The following ATP8B4 variants were observed in gnomAD, a reference collection of about 807,000 sequenced individuals.
The protein encoded by ATP8B4 is ATPase phospholipid transporting 8B4 (putative).
A neutral mutation model predicts 145.6 loss-of-function variants in ATP8B4; 133 were observed. The ratio of observed to expected loss-of-function variants is 0.91; its 90% CI spans 0.79 to 1.05. The LOEUF (loss-of-function observed/expected upper bound fraction) is 1.05, where lower values mean the gene tolerates loss of function less well. Among genes scored for constraint, ATP8B4 ranks in the 50% least tolerant of loss-of-function variants. The probability of loss-of-function intolerance (pLI) is 0.00; values close to 1 mark genes in which losing one functional copy is unlikely to be tolerated. For synonymous variants in ATP8B4, 507 were observed against 492.9 expected (o/e 1.03, Z -0.38); for missense variants, 1,458 against 1,425.2 (o/e 1.02, Z -0.37).
rs1185693318 is a variant in ATP8B4 at position 49,859,960 on chromosome 15, A to G, written c.*234T>C. 6.3e-6 allele frequency: 3 copies of G among 477,078 alleles called. No homozygotes were observed. The highest frequency in any genetic ancestry group is 1.1e-5 in the Non-Finnish European group (3 of 276,618). 29.6% of individuals were successfully genotyped at this position (477,078 alleles called of 1,614,324 possible). A position where few individuals can be genotyped will look rare whatever the true frequency, so the allele number is the denominator to read the frequency against. The stretch of plus-strand genomic sequence containing the variant: ...AAAAAAAAAAAAAATCTGTACTTGT[A>G]ACAGCGAGTGTTTTGTCCACCAAAT... On this transcript the variant is annotated 3_prime_UTR_variant, in exon 28 of 28. Transcript: ENST00000284509.
intron 1 of ATP8B4, among the ~76,000 whole-genome samples, chr15:50,133,690 G>A (rs1373699295): frequency 1.3e-5 from 2 of 152,132 alleles, no homozygotes; most frequent in Non-Finnish European, 2.9e-5. Flanking sequence ...TTAGAGAAAT[G>A]GGGAGATGTT....
In ATP8B4 at chr15:50,003,507, C is replaced by A. The variant is rs1046082308; in HGVS notation, c.436-1284G>T. On this transcript the variant is annotated intron_variant, in intron 7 of 27. Transcript: ENST00000284509. ...AAGCCACATAAAGAAAGTGATGCCG[C>A]TCTTGGGCCAAAAACTACCCATCCT... is the stretch of plus-strand genomic sequence containing the variant. Among the ~76,000 whole-genome samples the A allele has an allele frequency of 7.2e-5, 11 of 152,108 alleles. No individual in the cohort carries two copies. In the East Asian group the frequency reaches 1.7e-3, roughly 24 times the overall value.
At chr15:50,156,774 G>C (rs2044426988) in intron 1 of ATP8B4, among the ~76,000 whole-genome samples, 1 of 152,188 alleles carries the variant, frequency 6.6e-6, no homozygotes. Flanking sequence ...ACCTTGGCAT[G>C]ACTTAATGTT....
At chr15:50,036,041 T>A (rs868727620) in intron 6 of ATP8B4, among the ~76,000 whole-genome samples, 1 of 152,146 alleles carries the variant, frequency 6.6e-6, no homozygotes, top group Non-Finnish European at 1.5e-5. Context: ...ATGCCAAGGA[T>A]AGGGCCAAAA....
At chr15:50,177,094 C>T (rs774391685) in intron 1 of ATP8B4, among the ~76,000 whole-genome samples, 1 of 152,178 alleles carries the variant, frequency 6.6e-6, no homozygotes, top group Non-Finnish European at 1.5e-5. Context: ...ATGGCAACAA[C>T]AGTCAGAGAT....
At chr15:49,863,861 A>C (rs1235240411) in intron 26 of ATP8B4, among the ~76,000 whole-genome samples, 1 of 152,154 alleles carries the variant, frequency 6.6e-6, no homozygotes, top group Non-Finnish European at 1.5e-5. Flanking sequence ...ACTTTTAAAA[A>C]ATTTCACTGG....
rs531919598 is a variant in ATP8B4, at chr15:49,944,717, A to G, written c.1288-10535T>C. On this transcript the variant is annotated intron_variant, in intron 14 of 27. Coordinates refer to ENST00000284509, the MANE Select transcript of ATP8B4 (RefSeq NM_024837.4). ...ACAACCCTATAGACCAAATGGACCC[A>G]ACATATATACAACAAAACATTCTGC... Among the ~76,000 whole-genome samples the G allele has an allele frequency of 5.3e-5, 8 of 152,308 alleles. No homozygotes were observed. In the South Asian group the frequency reaches 1.7e-3, roughly 32 times the overall value.
At position 49,920,367 on chromosome 15, in the gene ATP8B4, C is replaced by T. The variant is rs199648946; in HGVS notation, c.1802G>A (p.Arg601Lys). Residue 601 changes from arginine to lysine, a missense_variant, in exon 18 of 28, where the codon AGA becomes AAA. By Grantham distance (26) the Arg-to-Lys change is conservative. Transcript: ENST00000284509. ...TTTAAAGTACTTGTCATCCAGGTCT[C>T]TGTATGCGATGGCCAAGGTCCGAAG... ...EGLRTLAIAY[R>K]DLDDKYFKEW... The T allele has an allele frequency of 1.9e-6, 3 of 1,614,212 alleles. No individual in the cohort carries two copies. The highest frequency in any genetic ancestry group is 1.3e-5 in the African/African-American group (1 of 75,064).
intron 14 of ATP8B4, among the ~76,000 whole-genome samples, chr15:49,937,372 T>C (rs958025087): frequency 1.3e-5 from 2 of 152,184 alleles, no homozygotes; most frequent in African/African-American, 4.8e-5. Flanking sequence ...CCAGAAAATA[T>C]GTGCTATGTT....
At chr15:49,931,392 A>T in intron 15 of ATP8B4, 85 bp from the exon 16 acceptor site, 1 of 1,284,328 alleles carries the variant, frequency 7.8e-7, no homozygotes, top group Non-Finnish European at 1.1e-6. Flanking sequence ...CTCAGTATTT[A>T]ACACCCAACT....
At chr15:49,970,269 C>T (rs934946852) in intron 13 of ATP8B4, among the ~76,000 whole-genome samples, 2 of 152,120 alleles carry the variant, frequency 1.3e-5, no homozygotes, top group Admixed American at 6.5e-5. Context: ...AAGTTCTGAC[C>T]AGGGCAATCA....
chr15:50,024,886 C>T (rs1460737783), intron 6 of ATP8B4, among the ~76,000 whole-genome samples: 1 of 152,142 alleles, frequency 6.6e-6, no homozygotes, highest in Non-Finnish European at 1.5e-5. Flanking sequence ...TAACACAGAA[C>T]ACTAGGGTAA....
chr15:50,098,960 C>G (rs905787202), intron 2 of ATP8B4, among the ~76,000 whole-genome samples: 1 of 152,116 alleles, frequency 6.6e-6, no homozygotes, highest in East Asian at 1.9e-4. Flanking sequence ...ACATATTCAT[C>G]AAACATAATT....
chr15:49,929,161 A>C (rs2413980), intron 16 of ATP8B4, among the ~76,000 whole-genome samples: 19,757 of 152,084 alleles, frequency 0.13, 1,693 homozygotes, highest in East Asian at 0.35. Context: ...GTGAGCTATA[A>C]TAGGCCTTAA....
At chr15:49,883,396 G>A (rs1365131435) in intron 23 of ATP8B4, 1 of 152,128 alleles carries the variant, frequency 6.6e-6, no homozygotes, top group Non-Finnish European at 1.5e-5. Context: ...TTCACAGCTG[G>A]AGCAAGAGAA....
intron 1 of ATP8B4, among the ~76,000 whole-genome samples, chr15:50,158,909 T>C (rs909308819): frequency 6.6e-6 from 1 of 152,194 alleles, no homozygotes; most frequent in African/African-American, 2.4e-5. Context: ...GAAGGCAGCA[T>C]GCTCCTTAAG....
At chr15:50,060,787 T>C (rs1002796568) in intron 3 of ATP8B4, among the ~76,000 whole-genome samples, 8 of 152,138 alleles carry the variant, frequency 5.3e-5, no homozygotes, top group African/African-American at 1.9e-4. Context: ...TGGAGTTTTG[T>C]GGTGGGGCCC....
intron 7 of ATP8B4, chr15:50,009,357 G>A (rs1423351208): frequency 1.3e-5 from 2 of 154,758 alleles, no homozygotes; most frequent in East Asian, 1.9e-4. Flanking sequence ...ATGGAACATG[G>A]CACCAAGTGT....
intron 14 of ATP8B4, among the ~76,000 whole-genome samples, chr15:49,952,206 G>A (rs1198177734): frequency 6.6e-6 from 1 of 152,094 alleles, no homozygotes; most frequent in Non-Finnish European, 1.5e-5. Flanking sequence ...TCTTAATGAC[G>A]TTCTCTGTAT....
Sources: allele counts gnomAD v4.1 joint callset (sites outside exome capture counted in the v4.1 genomes callset), GRCh38; gene constraint gnomAD v4.1.1; transcripts MANE v1.5; gene names NCBI Gene and HGNC (gene_info 2026-07-23, HGNC 2026-07-21).